The following DNAH12 variants were observed in gnomAD, a reference collection of about 807,000 sequenced individuals.
DNAH12 encodes dynein axonemal heavy chain 12.
A neutral mutation model predicts 371.5 loss-of-function variants in DNAH12; 285 were observed. That is an observed-to-expected ratio of 0.77 (90% CI 0.70 to 0.85). DNAH12 has a LOEUF of 0.85. DNAH12 is among the 40% of genes least tolerant of loss of function. The pLI is 0.00. For synonymous variants in DNAH12, 1,200 were observed against 1,213.0 expected (o/e 0.99, Z 0.22); for missense variants, 3,611 against 3,689.4 (o/e 0.98, Z 0.55).
chr3:57,491,067 G>A (rs1328747906), intron 11 of DNAH12, among the ~76,000 whole-genome samples: 1 of 111,212 alleles, frequency 9.0e-6, no homozygotes, highest in African/African-American at 3.5e-5. Context: ...GGAAGACAGA[G>A]CGAGACTCTA....
At chr3:57,342,073 G>T (rs1033178487) in intron 60 of DNAH12, among the ~76,000 whole-genome samples, 9 of 152,064 alleles carry the variant, frequency 5.9e-5, no homozygotes, top group Non-Finnish European at 1.2e-4. Context: ...ATGCAGAAGA[G>T]CAAAACTAGA....
intron 69 of DNAH12, among the ~76,000 whole-genome samples, chr3:57,305,875 C>T (rs574392796): frequency 1.1e-4 from 16 of 152,270 alleles, no homozygotes; most frequent in African/African-American, 3.6e-4. Context: ...GCCACGTCTC[C>T]AGCACACAAG....
the DNAH12 span, among the ~76,000 whole-genome samples, chr3:57,553,196 G>C: frequency 2.0e-5 from 3 of 152,210 alleles, no homozygotes; most frequent in African/African-American, 7.2e-5. Flanking sequence ...AATAAATAAA[G>C]AGCAAAGAAA....
chr3:57,373,255 A>G (rs1424635633), intron 55 of DNAH12, among the ~76,000 whole-genome samples: 2 of 151,786 alleles, frequency 1.3e-5, no homozygotes, highest in African/African-American at 4.8e-5. Flanking sequence ...GACCAATCAG[A>G]TGTTTTTCAC....
chr3:57,446,454 ACAT>A (rs1477573098), intron 26 of DNAH12, 80 bp downstream of exon 26: 29 of 1,451,062 alleles, frequency 2.0e-5, no homozygotes, highest in Admixed American at 2.7e-5. Flanking sequence ...TCATGTTTAA[ACAT>A]GAGTTTGCTT....
the DNAH12 span, among the ~76,000 whole-genome samples, chr3:57,555,400 A>AAC: frequency 6.6e-6 from 1 of 152,138 alleles, no homozygotes; most frequent in African/African-American, 2.4e-5. Context: ...ACTAAAAATA[A>AAC]ACACTGGGTG....
intron 70 of DNAH12, among the ~76,000 whole-genome samples, chr3:57,300,025 C>G (rs986150400): frequency 1.3e-5 from 2 of 152,160 alleles, no homozygotes; most frequent in Non-Finnish European, 2.9e-5. Context: ...AAATACCTTG[C>G]TGTGCCTGTA....
intron 23 of DNAH12, 118 bp downstream of exon 23, chr3:57,454,657 G>T: frequency 7.4e-7 from 1 of 1,355,216 alleles, no homozygotes. Context: ...ATTTCTTGAG[G>T]CCAGGAGTTC....
chr3:57,450,130 C>T (rs1233998214), intron 25 of DNAH12, among the ~76,000 whole-genome samples: 1 of 151,846 alleles, frequency 6.6e-6, no homozygotes, highest in African/African-American at 2.4e-5. Context: ...TGCCTGTAAT[C>T]CCAGCTATTT....
At chr3:57,384,170 C>A (rs2063454510) in intron 49 of DNAH12, among the ~76,000 whole-genome samples, 1 of 152,202 alleles carries the variant, frequency 6.6e-6, no homozygotes, top group East Asian at 1.9e-4. Flanking sequence ...GTGCCAGTCA[C>A]AGCTGTACTG....
In DNAH12 at chr3:57,382,294, T is replaced by C. The variant is rs2063409349; in HGVS notation, c.7960A>G (p.Lys2654Glu). The C allele has an allele frequency of 6.6e-6, 1 of 152,196 alleles. No homozygotes were observed. The highest frequency in any genetic ancestry group is 2.4e-5 in the African/African-American group (1 of 41,456). The allele number at this position is 152,196 out of a possible 1,614,324, so 9.4% of individuals were successfully genotyped here. A position where few individuals can be genotyped will look rare whatever the true frequency, so the allele number is the denominator to read the frequency against. ...CCAGTCCCTGAAGGATCTGAAATTT[T>C]TTCTGGTTTTATATCTTTCATGACA... ...VCVMKDIKPEKISDPSGTGGK... is the reference protein window; with the variant it reads ...VCVMKDIKPEEISDPSGTGGK... The change falls in exon 50 of 74, where the codon AAA (lysine) becomes GAA (glutamate). Residue 2654 changes from lysine (K) to glutamate (E), a missense_variant. Physicochemically the swap from Lys to Glu is moderately conservative, Grantham distance 56. Around this residue, in one of 3 missense-constraint regions of DNAH12, gnomAD observed 2,266 missense variants for 2,236.9 expected, o/e 1.01. Transcript: ENST00000495027.
chr3:57,475,637 G>GT (rs1286558057), intron 13 of DNAH12, among the ~76,000 whole-genome samples: 1 of 152,096 alleles, frequency 6.6e-6, no homozygotes, highest in Non-Finnish European at 1.5e-5. Context: ...TGAGCAAAAT[G>GT]TATGTACTAT....
chr3:57,385,567 C>T (rs942623074), intron 47 of DNAH12, 138 bp from the exon 48 acceptor site: 97,130 of 152,136 alleles, frequency 0.64, 31,992 homozygotes, highest in Non-Finnish European at 0.74. Context: ...TAGTTCTTTG[C>T]ATGACAAACA....
intron 40 of DNAH12, among the ~76,000 whole-genome samples, chr3:57,407,312 G>A (rs1575558038): frequency 6.6e-6 from 1 of 151,310 alleles, no homozygotes; most frequent in Non-Finnish European, 1.5e-5. Flanking sequence ...GGGGTAGGGA[G>A]GTGGCAGGGA....
chr3:57,413,244 T>C (rs1182579143), intron 39 of DNAH12, among the ~76,000 whole-genome samples: 1 of 152,088 alleles, frequency 6.6e-6, no homozygotes, highest in Non-Finnish European at 1.5e-5. Flanking sequence ...GGTTAAACTA[T>C]AGAGAGAAAA....
chr3:57,419,609 T>A, intron 36 of DNAH12, 91 bp from the exon 37 acceptor site: 2 of 948,410 alleles, frequency 2.1e-6, no homozygotes, highest in East Asian at 6.7e-5. Context: ...TATATTAGCT[T>A]TTAAAAACTT....
chr3:57,328,629 CA>C, intron 62 of DNAH12, among the ~76,000 whole-genome samples: 1 of 149,026 alleles, frequency 6.7e-6, no homozygotes, highest in African/African-American at 2.5e-5. Context: ...AAACTGGAAG[CA>C]TTCCCTTTGA....
At chr3:57,374,838 C>G (rs1163206935) in intron 55 of DNAH12, among the ~76,000 whole-genome samples, 1 of 152,018 alleles carries the variant, frequency 6.6e-6, no homozygotes, top group Non-Finnish European at 1.5e-5. Context: ...TAGAAGTAAT[C>G]CATACAAAAA....
At chr3:57,459,483 T>C in intron 20 of DNAH12, 109 bp downstream of exon 20, 1 of 1,084,160 alleles carries the variant, frequency 9.2e-7, no homozygotes, top group Non-Finnish European at 1.2e-6. Context: ...TTCCAGTTTG[T>C]ATACAATGAG....
Sources: allele counts gnomAD v4.1 joint callset (sites outside exome capture counted in the v4.1 genomes callset), GRCh38; gene constraint gnomAD v4.1.1; regional missense constraint gnomAD v4.1.1; transcripts MANE v1.5; gene names NCBI Gene and HGNC (gene_info 2026-07-23, HGNC 2026-07-21).